Variants in HOOK1 observed in about 807,000 individuals in gnomAD.
HOOK1 encodes hook microtubule tethering protein 1.
Under a neutral mutation model 112.8 loss-of-function variants are expected in HOOK1, and 60 were observed. That is an observed-to-expected ratio of 0.53 (90% CI 0.43 to 0.66). The LOEUF (loss-of-function observed/expected upper bound fraction) is 0.66. HOOK1 is among the 30% of genes least tolerant of loss of function. The probability of loss-of-function intolerance (pLI) is 0.00; values close to 1 mark genes in which losing one functional copy is unlikely to be tolerated. For missense variants in HOOK1, 770 were observed against 856.0 expected, an observed-to-expected ratio of 0.90 and a Z score of 1.25; for synonymous variants, 294 against 283.8, an observed-to-expected ratio of 1.04 and a Z score of -0.36.
intron 2 of HOOK1, among the ~76,000 whole-genome samples, chr1:59,826,276 A>G (rs1398813798): frequency 6.6e-6 from 1 of 152,048 alleles, no homozygotes; most frequent in Non-Finnish European, 1.5e-5. Flanking sequence ...ATATAAGAAA[A>G]GGAGCTAATT....
At chr1:59,824,210 ATT>A (rs35058060) in intron 2 of HOOK1, among the ~76,000 whole-genome samples, 4 of 143,724 alleles carry the variant, frequency 2.8e-5, no homozygotes, top group Admixed American at 1.4e-4. Flanking sequence ...ATATGTTACA[ATT>A]TTTTTTTTTT....
At chr1:59,833,634 G>C in intron 5 of HOOK1, 97 bp downstream of exon 5, 1 of 1,025,114 alleles carries the variant, frequency 9.8e-7, no homozygotes, top group Admixed American at 2.9e-5. Flanking sequence ...AAGCTTGGCA[G>C]AAAGCACCCT....
intron 1 of HOOK1, among the ~76,000 whole-genome samples, chr1:59,819,428 G>A (rs112208291): frequency 3.3e-5 from 5 of 152,186 alleles, no homozygotes; most frequent in African/African-American, 1.2e-4. Context: ...GGAATTACAG[G>A]CATGAGCCAC....
intron 3 of HOOK1, among the ~76,000 whole-genome samples, chr1:59,831,456 G>C (rs1271732977): frequency 6.6e-6 from 1 of 152,126 alleles, no homozygotes; most frequent in African/African-American, 2.4e-5. Context: ...TCCCTGGATT[G>C]TTATTTCTTT....
At chr1:59,828,877 A>G (rs2098391847) in intron 3 of HOOK1, 25 bp downstream of exon 3, 1 of 1,567,320 alleles carries the variant, frequency 6.4e-7, no homozygotes. Flanking sequence ...TGGGAGAAGC[A>G]CTTGATCCAA....
intron 7 of HOOK1, among the ~76,000 whole-genome samples, chr1:59,838,598 G>C (rs6687234): frequency 0.01 from 1,553 of 152,172 alleles, 15 homozygotes; most frequent in African/African-American, 0.035. Flanking sequence ...CTGGATATTA[G>C]CCCTTTGTCA....
chr1:59,850,621 TAC>T (rs2098406665), intron 12 of HOOK1, among the ~76,000 whole-genome samples: 1 of 151,562 alleles, frequency 6.6e-6, no homozygotes, highest in African/African-American at 2.4e-5. Context: ...AAACTATTCT[TAC>T]TACATCGAAT....
intron 1 of HOOK1, among the ~76,000 whole-genome samples, chr1:59,818,009 AC>A (rs1315636968): frequency 6.6e-6 from 1 of 152,196 alleles, no homozygotes; most frequent in Non-Finnish European, 1.5e-5. Flanking sequence ...CTAGTGTTTC[AC>A]CATTAAGTGT....
At chr1:59,817,033 C>T (rs1180296026) in intron 1 of HOOK1, among the ~76,000 whole-genome samples, 2 of 152,220 alleles carry the variant, frequency 1.3e-5, no homozygotes, top group African/African-American at 4.8e-5. Context: ...TTATCCTTGG[C>T]TCTGGCTTTA....
At chr1:59,828,656 ATATTCAG>A (rs1310452816) in intron 2 of HOOK1, 117 bp from the exon 3 acceptor site, 51 of 634,544 alleles carry the variant, frequency 8.0e-5, no homozygotes, top group Middle Eastern at 3.5e-4. Flanking sequence ...TATATAAGTA[ATATTCAG>A]TATTGTTATT....
At chr1:59,869,368 T>G (rs928024902) in intron 20 of HOOK1, among the ~76,000 whole-genome samples, 1 of 152,094 alleles carries the variant, frequency 6.6e-6, no homozygotes, top group Non-Finnish European at 1.5e-5. Flanking sequence ...ATTTTTGTAT[T>G]TTTTGTAGAG....
At position 59,865,164 on chromosome 1, in the gene HOOK1, G is replaced by A; in HGVS notation, c.1663G>A (p.Glu555Lys). The change falls in exon 18 of 22, where the codon GAA becomes AAA. Residue 555 changes from glutamate to lysine, a missense_variant and splice_region_variant. This residue lies in a region of HOOK1 where 655 missense variants were observed against 725.9 expected (regional missense o/e 0.90). Coordinates refer to ENST00000371208, the MANE Select transcript of HOOK1 (RefSeq NM_015888.6). ...KLKQKLEAHM[E>K]KLTEVHEELQ... ...CTCCATGCTTTTTCTACCACTTAGG[G>A]AAAAACTCACAGAGGTCCATGAAGA... 6.3e-7 allele frequency: 1 copy of A among 1,594,698 alleles called. No homozygotes were observed. Among genetic ancestry groups the A allele is most frequent in the Non-Finnish European group, 8.6e-7 (1 of 1,162,558 alleles).
chr1:59,849,740 T>C (rs2098406139), intron 12 of HOOK1, among the ~76,000 whole-genome samples: 1 of 151,622 alleles, frequency 6.6e-6, no homozygotes, highest in South Asian at 2.1e-4. Flanking sequence ...ATACACTTGG[T>C]GATTTTTGTG....
chr1:59,868,695 G>A (rs940028558), intron 20 of HOOK1, among the ~76,000 whole-genome samples: 6 of 152,016 alleles, frequency 3.9e-5, no homozygotes, highest in Non-Finnish European at 7.4e-5. Context: ...GACCTTTACC[G>A]TTTAAAAAAG....
At chr1:59,825,559 T>C (rs1162353496) in intron 2 of HOOK1, among the ~76,000 whole-genome samples, 1 of 152,238 alleles carries the variant, frequency 6.6e-6, no homozygotes, top group African/African-American at 2.4e-5. Context: ...TTTCTTTCAT[T>C]TAAAATTTAC....
At chr1:59,860,035 T>A (rs186057746) in intron 14 of HOOK1, among the ~76,000 whole-genome samples, 153 bp from the exon 15 acceptor site, 144 of 152,320 alleles carry the variant, frequency 9.5e-4, no homozygotes, top group African/African-American at 3.3e-3. Context: ...TGTTGGAGTT[T>A]AAGAGTTTCA....
At chr1:59,815,622 A>G (rs1202796334) in intron 1 of HOOK1, among the ~76,000 whole-genome samples, 2 of 151,832 alleles carry the variant, frequency 1.3e-5, no homozygotes, top group East Asian at 3.9e-4. Flanking sequence ...TGCATCCTCA[A>G]ACTACCTTGC....
At chr1:59,833,124 T>A (rs1333000656) in intron 4 of HOOK1, among the ~76,000 whole-genome samples, 2 of 152,160 alleles carry the variant, frequency 1.3e-5, no homozygotes, top group Non-Finnish European at 2.9e-5. Flanking sequence ...CATAGTAGAC[T>A]AGGCCAAGTG....
chr1:59,838,802 G>A lies in HOOK1; in HGVS notation c.538-1506G>A, dbSNP rs569255373. Among the ~76,000 whole-genome samples the A allele has an allele frequency of 1.4e-4, 21 of 152,254 alleles. 1 individual carries two copies. The East Asian group carries it at 3.9e-3, about 28-fold the overall frequency. ...TTCTGTCCTGAATGGCATTGCCCAG[G>A]TTTTCTTCTAGGATTTTTATGGTCC... On this transcript the variant is annotated intron_variant, in intron 7 of 21. Transcript: ENST00000371208.
Sources: allele counts gnomAD v4.1 joint callset (sites outside exome capture counted in the v4.1 genomes callset), GRCh38; gene constraint gnomAD v4.1.1; regional missense constraint gnomAD v4.1.1; transcripts MANE v1.5; gene names NCBI Gene and HGNC (gene_info 2026-07-23, HGNC 2026-07-21).